The following FAT2 variants were observed in gnomAD, a reference collection of about 807,000 sequenced individuals.
FAT2 encodes the protein FAT atypical cadherin 2.
FAT2 carries 150 observed loss-of-function variants against 295.3 expected under a neutral mutation model. The ratio of observed to expected loss-of-function variants is 0.51; its 90% CI spans 0.44 to 0.58. FAT2 has a LOEUF of 0.58. Among genes scored for constraint, FAT2 ranks in the 20% least tolerant of loss-of-function variants. FAT2 has a pLI of 0.00. For missense variants in FAT2, 4,868 were observed against 5,442.7 expected, an observed-to-expected ratio of 0.89 and a Z score of 3.32; for synonymous variants, 2,026 against 2,150.3, an observed-to-expected ratio of 0.94 and a Z score of 1.60.
chr5:151,508,251 C>T (rs1291631059), intron 22 of FAT2, among the ~76,000 whole-genome samples: 1 of 152,220 alleles, frequency 6.6e-6, no homozygotes, highest in African/African-American at 2.4e-5. Context: ...CCCGAAATGT[C>T]ACTACCAGTT....
At chr5:151,539,538 AT>A (rs1755884538) in intron 11 of FAT2, among the ~76,000 whole-genome samples, 1 of 152,170 alleles carries the variant, frequency 6.6e-6, no homozygotes. Flanking sequence ...AGGGTTGTAG[AT>A]GATCCTTTGT....
chr5:151,580,545 A>T lies in FAT2; in HGVS notation c.-21+10620T>A, dbSNP rs143548450. Among the ~76,000 whole-genome samples the T allele has an allele frequency of 6.5e-3, 993 of 152,346 alleles. 15 individuals are homozygous for T. The highest frequency in any genetic ancestry group is 0.023 in the African/African-American group (939 of 41,580). Reference sequence around the variant, plus strand: ...ATTTTCTGTACATGTGCGGACTCTCATTCGGGCCCCAGGAGCCCCTTGTGG... The same window carrying T: ...ATTTTCTGTACATGTGCGGACTCTCTTTCGGGCCCCAGGAGCCCCTTGTGG... On this transcript the variant is annotated intron_variant, in intron 1 of 23. Transcript: ENST00000261800.
intron 6 of FAT2, among the ~76,000 whole-genome samples, chr5:151,551,903 G>A (rs1757246319): frequency 6.6e-6 from 1 of 151,756 alleles, no homozygotes. Context: ...AATATGTTTA[G>A]TGACATGGAA....
chr5:151,555,300 G>A (rs960907083), intron 4 of FAT2, among the ~76,000 whole-genome samples: 43 of 152,100 alleles, frequency 2.8e-4, no homozygotes, highest in Admixed American at 1.1e-3. Flanking sequence ...ACTGAACTGT[G>A]GAGAATGCTT....
intron 10 of FAT2, 72 bp from the exon 11 acceptor site, chr5:151,540,835 G>T (rs2127603206): frequency 7.3e-7 from 1 of 1,371,860 alleles, no homozygotes; most frequent in South Asian, 1.4e-5. Flanking sequence ...ACAGGTGGCT[G>T]CCCATTGGAT....
At chr5:151,506,772 A>G (rs1425387465) in intron 23 of FAT2, among the ~76,000 whole-genome samples, 1 of 152,232 alleles carries the variant, frequency 6.6e-6, no homozygotes, top group Non-Finnish European at 1.5e-5. Flanking sequence ...GTCTGGCCCA[A>G]GGCTGCTGCA....
intron 3 of FAT2, 41 bp downstream of exon 3, chr5:151,563,284 A>G (rs1239384697): frequency 6.3e-7 from 1 of 1,586,228 alleles, no homozygotes; most frequent in African/African-American, 1.4e-5. Flanking sequence ...GAGAACCACC[A>G]TTGTAGAGAT....
rs1210682749 is a variant in FAT2, at chr5:151,530,287, TC to T, written c.9812-896del. ...AAAAGCCAGTTAGCTCTTATGTGCG[TC>T]CAGACATGATGCAAACAGCATAGCA... On this transcript the variant is annotated intron_variant, in intron 14 of 23. Coordinates refer to ENST00000261800, the MANE Select transcript of FAT2 (RefSeq NM_001447.3). Among the ~76,000 whole-genome samples, 3 of 150,362 alleles carry T rather than the reference TC, an allele frequency of 2.0e-5. No homozygotes were observed. The East Asian group carries it at 5.8e-4, about 29-fold the overall frequency.
At chr5:151,510,237 T>C (rs1454086417) in intron 21 of FAT2, 63 bp from the exon 22 acceptor site, 1 of 1,566,286 alleles carries the variant, frequency 6.4e-7, no homozygotes, top group South Asian at 1.1e-5. Flanking sequence ...AGACCTGGCA[T>C]TGGCAGACTG....
chr5:151,586,259 A>G (rs1021471562), intron 1 of FAT2, among the ~76,000 whole-genome samples: 2 of 152,262 alleles, frequency 1.3e-5, no homozygotes, highest in African/African-American at 4.8e-5. Flanking sequence ...GCTTGTGCCC[A>G]GGCCAACTGC....
chr5:151,527,982 C>T lies in FAT2; in HGVS notation c.10164+14G>A, dbSNP rs750648963. On this transcript the variant is annotated intron_variant, in intron 16 of 23. Transcript: ENST00000261800. ...TCTAATGAGCTCAGGGTGCGCCCCTCCCACATGACTCACCTGTTCCCGGTC... is the reference window on the plus strand; with the variant it reads ...TCTAATGAGCTCAGGGTGCGCCCCTTCCACATGACTCACCTGTTCCCGGTC... 1.2e-6 allele frequency: 2 copies of T among 1,613,202 alleles called. No individual in the cohort carries two copies. The highest frequency in any genetic ancestry group is 1.7e-6 in the Non-Finnish European group (2 of 1,179,774).
chr5:151,568,425 C>T lies in FAT2; in HGVS notation c.507G>A (p.Lys169=), dbSNP rs1758383507. ...CTAGATCAGCATCTGTGGCAGTCAC[C>T]TTGCAGATGGGGCTCTTCAGGGGCA... is the stretch of plus-strand genomic sequence containing the variant. ...EDMPLKSPIC[K]VTATDADLGQ... is the part of the protein sequence containing the mutation. The change falls in exon 2 of 24, where the codon AAG becomes AAA. Residue 169 remains lysine (K), a synonymous_variant. Transcript: ENST00000261800. The T allele has an allele frequency of 3.1e-6, 5 of 1,614,082 alleles. No individual in the cohort carries two copies. Among genetic ancestry groups the T allele is most frequent in the South Asian group, 1.1e-5 (1 of 91,084 alleles).
chr5:151,576,469 G>A (rs1468793281), intron 1 of FAT2, among the ~76,000 whole-genome samples: 4 of 152,054 alleles, frequency 2.6e-5, no homozygotes, highest in Admixed American at 2.6e-4. Context: ...CATCTTTTCA[G>A]GAATGAGGAC....
chr5:151,553,497 C>A, intron 5 of FAT2, 110 bp from the exon 6 acceptor site: 1 of 906,862 alleles, frequency 1.1e-6, no homozygotes, highest in South Asian at 1.6e-5. Context: ...GCAGGCCTCT[C>A]ATCCAGTCAT....
intron 18 of FAT2, among the ~76,000 whole-genome samples, chr5:151,524,189 T>C (rs1317037207): frequency 1.3e-5 from 2 of 152,198 alleles, no homozygotes; most frequent in Admixed American, 6.5e-5. Flanking sequence ...CCTCTCATTG[T>C]ACTTAGATTA....
intron 1 of FAT2, among the ~76,000 whole-genome samples, chr5:151,571,524 TA>T (rs1758525156): frequency 6.6e-6 from 1 of 152,002 alleles, no homozygotes; most frequent in Non-Finnish European, 1.5e-5. Context: ...AGATGAGCTG[TA>T]GGGAAGGGGA....
chr5:151,571,753 C>T (rs2127653179), intron 1 of FAT2, among the ~76,000 whole-genome samples: 1 of 152,328 alleles, frequency 6.6e-6, no homozygotes, highest in East Asian at 1.9e-4. Flanking sequence ...CCTTGTACTA[C>T]CTTCCTAGTT....
Position 151,553,373 on chromosome 5 carries a change from G to C in FAT2, c.3960C>G (p.Asp1320Glu), listed in dbSNP as rs1048112565. ...EYNILTIKATDSGQPPLSASV... is the reference protein window; with the variant it reads ...EYNILTIKATESGQPPLSASV... ...TGGCTGAGAGTGGTGGCTGCCCACT[G>C]TCTGTTGCCTTGATCTGAAAGGAGG... Residue 1320 changes from aspartate to glutamate, a missense_variant, in exon 6 of 24, where the codon GAC becomes GAG. Physicochemically the swap from Asp to Glu is conservative, Grantham distance 45. This residue lies in a region of FAT2 where 3,297 missense variants were observed against 3,669.4 expected (regional missense o/e 0.90). Coordinates refer to ENST00000261800, the MANE Select transcript of FAT2 (RefSeq NM_001447.3). The C allele has an allele frequency of 6.2e-6, 10 of 1,614,058 alleles. No individual in the cohort carries two copies. The Admixed American group carries it at 1.0e-4, about 16-fold the overall frequency.
In FAT2 at chr5:151,565,728, C is replaced by G; in HGVS notation, c.3204G>C (p.Gln1068His). 2 of 1,459,994 alleles carry G rather than the reference C, an allele frequency of 1.4e-6. No homozygotes were observed. Among genetic ancestry groups the G allele is most frequent in the Non-Finnish European group, 1.9e-6 (2 of 1,080,760 alleles). The allele number at this position is 1,459,994 out of a possible 1,614,324, so 90.4% of individuals were successfully genotyped here. Residue 1068 changes from glutamine to histidine, a missense_variant, in exon 2 of 24, where the codon CAG (glutamine) becomes CAC (histidine). By Grantham distance (24) the Gln-to-His change is conservative. Around this residue, in one of 5 missense-constraint regions of FAT2, gnomAD observed 3,297 missense variants for 3,669.4 expected, o/e 0.90. Coordinates refer to ENST00000261800, the MANE Select transcript of FAT2 (RefSeq NM_001447.3). ...GTCCAGTGCCAGCACGCAGGAAGTACTGGAGCTCCCCATCCAAGCCACTGT... is the reference window on the plus strand; with the variant it reads ...GTCCAGTGCCAGCACGCAGGAAGTAGTGGAGCTCCCCATCCAAGCCACTGT... ...DDDSGLDGEL[Q>H]YFLRAGTGLA...
Sources: allele counts gnomAD v4.1 joint callset (sites outside exome capture counted in the v4.1 genomes callset), GRCh38; gene constraint gnomAD v4.1.1; regional missense constraint gnomAD v4.1.1; transcripts MANE v1.5; gene names NCBI Gene and HGNC (gene_info 2026-07-23, HGNC 2026-07-21).